The following DNAH7 variants were observed in gnomAD, a reference collection of about 807,000 sequenced individuals.
DNAH7 encodes the protein dynein axonemal heavy chain 7.
In DNAH7, 397 loss-of-function variants were observed where a neutral mutation model predicts 444.6. The observed-to-expected ratio is 0.89, with a 90% CI of 0.82 to 0.97. DNAH7 has a LOEUF of 0.97. Among genes scored for constraint, DNAH7 ranks in the 50% least tolerant of loss-of-function variants. The pLI is 0.00. For missense variants in DNAH7, 4,902 were observed against 4,800.8 expected (o/e 1.02, Z -0.62); for synonymous variants, 1,636 against 1,624.4 (o/e 1.01, Z -0.17).
intron 12 of DNAH7, chr2:195,999,314 G>T: frequency 1.5e-6 from 1 of 676,838 alleles, no homozygotes; most frequent in African/African-American, 1.8e-5. Context: ...ACACAGATTT[G>T]AGTGAATATT....
chr2:195,778,721 T>C (rs13021157), intron 58 of DNAH7, among the ~76,000 whole-genome samples: 5 of 42,754 alleles, frequency 1.2e-4, no homozygotes, highest in East Asian at 6.0e-3. Flanking sequence ...TATATACACA[T>C]ATATATATAC....
At position 195,816,868 on chromosome 2, in the gene DNAH7, G is replaced by A; in HGVS notation, c.9521C>T (p.Ser3174Phe). 6.2e-7 allele frequency: 1 copy of A among 1,614,142 alleles called. No homozygotes were observed. The highest frequency in any genetic ancestry group is 8.5e-7 in the Non-Finnish European group (1 of 1,179,990). The part of the protein sequence containing the change: ...EDETAIKILS[S>F]SKALANEISQ... ...AATCTCATTAGCCAAGGCCTTGGAG[G>A]AAGATAATATCTTAATAGCAGTTTC... The change falls in exon 51 of 65, where the codon TCC (serine) becomes TTC (phenylalanine). Residue 3174 changes from serine (S) to phenylalanine (F), a missense_variant. Ser to Phe is a radical substitution (Grantham distance 155, BLOSUM62 -2). Transcript: ENST00000312428.
chr2:195,776,243 A>G (rs933157774), intron 59 of DNAH7, among the ~76,000 whole-genome samples: 19 of 152,272 alleles, frequency 1.2e-4, no homozygotes, highest in Admixed American at 1.1e-3. Flanking sequence ...CGGGAGTTTG[A>G]GACCAGCCTG....
chr2:195,852,929 G>A (rs1226940806), intron 46 of DNAH7, among the ~76,000 whole-genome samples: 1 of 150,208 alleles, frequency 6.7e-6, no homozygotes, highest in East Asian at 1.9e-4. Context: ...GAGAGAGAGA[G>A]AGAGAGAGAG....
At chr2:196,017,221 G>A (rs1160595036) in intron 9 of DNAH7, among the ~76,000 whole-genome samples, 5 of 151,998 alleles carry the variant, frequency 3.3e-5, no homozygotes, top group African/African-American at 1.2e-4. Flanking sequence ...CACCATCTTC[G>A]GCAGGCTGGT....
chr2:196,046,241 T>C (rs982444101), intron 5 of DNAH7, among the ~76,000 whole-genome samples: 2 of 152,210 alleles, frequency 1.3e-5, no homozygotes, highest in African/African-American at 4.8e-5. Context: ...GGCAGGGCCT[T>C]GGATTTTCAT....
intron 1 of DNAH7, 116 bp downstream of exon 1, chr2:196,068,581 G>A (rs1698561983): frequency 7.2e-7 from 1 of 1,387,070 alleles, no homozygotes; most frequent in East Asian, 2.6e-5. Context: ...GAAGGAAGCT[G>A]TACACCGCGG....
chr2:195,960,809 C>G lies in DNAH7; in HGVS notation c.2342G>C (p.Arg781Thr). The G allele has an allele frequency of 6.2e-7, 1 of 1,614,100 alleles. No individual in the cohort carries two copies. The highest frequency in any genetic ancestry group is 1.7e-5 in the Admixed American group (1 of 60,016). ...ETAVEFSSNY[R>T]AWTEGPYHKV... ...ATGATATGGCCCTTCTGTCCATGCT[C>G]TATAGTTGCTGCTAAATTCGACAGC... Residue 781 changes from arginine (R) to threonine (T), a missense_variant, in exon 18 of 65, where the codon AGA (arginine) becomes ACA (threonine). Transcript: ENST00000312428.
intron 12 of DNAH7, among the ~76,000 whole-genome samples, chr2:195,989,706 T>A (rs1250723140): frequency 6.6e-6 from 1 of 152,112 alleles, no homozygotes; most frequent in East Asian, 1.9e-4. Context: ...TTCCTCATGG[T>A]TTGGTTCTGC....
chr2:195,836,229 T>A (rs1457701166), intron 47 of DNAH7, among the ~76,000 whole-genome samples: 1 of 152,168 alleles, frequency 6.6e-6, no homozygotes, highest in Non-Finnish European at 1.5e-5. Flanking sequence ...AAAGGACCTA[T>A]GTTCAGGGCC....
At chr2:195,985,860 A>G (rs1692872611) in intron 14 of DNAH7, among the ~76,000 whole-genome samples, 3 of 152,172 alleles carry the variant, frequency 2.0e-5, no homozygotes, top group African/African-American at 7.2e-5. Context: ...TGGTTCCTAG[A>G]TAAGGTACTC....
intron 58 of DNAH7, among the ~76,000 whole-genome samples, chr2:195,780,753 A>AAT (rs1040625966): frequency 2.6e-4 from 40 of 151,248 alleles, no homozygotes; most frequent in Admixed American, 1.5e-3. Flanking sequence ...TCTGTCTCAA[A>AAT]ATATATATAT....
At chr2:195,979,764 G>C (rs899206918) in intron 15 of DNAH7, among the ~76,000 whole-genome samples, 3 of 151,870 alleles carry the variant, frequency 2.0e-5, no homozygotes, top group Non-Finnish European at 2.9e-5. Flanking sequence ...AATAAAATCA[G>C]AGATGAAAAA....
intron 40 of DNAH7, 59 bp downstream of exon 40, chr2:195,872,191 G>T: frequency 7.6e-7 from 1 of 1,313,544 alleles, no homozygotes; most frequent in Non-Finnish European, 1.1e-6. Flanking sequence ...TTACCCAGTT[G>T]TTGGCATGGC....
chr2:195,894,714 C>CT (rs1702205515), intron 30 of DNAH7: 1 of 241,784 alleles, frequency 4.1e-6, no homozygotes, highest in Admixed American at 5.2e-5. Flanking sequence ...TGTTTTCAGA[C>CT]TTTTTTCTAC....
chr2:195,754,631 C>G lies in DNAH7; in HGVS notation c.11587-117G>C, dbSNP rs1440413203. The G allele has an allele frequency of 3.1e-6, 3 of 970,428 alleles. No individual in the cohort carries two copies. The East Asian group carries it at 8.0e-5, about 26-fold the overall frequency. 60.1% of individuals were successfully genotyped at this position (970,428 alleles called of 1,614,324 possible). On this transcript the variant is annotated intron_variant, in intron 62 of 64. Coordinates refer to ENST00000312428, the MANE Select transcript of DNAH7 (RefSeq NM_018897.3). The stretch of plus-strand genomic sequence containing the variant: ...GCTCAGGTGATCCTCTCACCTCAGC[C>G]TCCCAAGTAGCTGGGAATACAGGCA...
intron 19 of DNAH7, among the ~76,000 whole-genome samples, chr2:195,956,427 G>C (rs1411024895): frequency 1.3e-5 from 2 of 152,132 alleles, no homozygotes; most frequent in Non-Finnish European, 1.5e-5. Flanking sequence ...GAGGCGGGTG[G>C]ATCACTTGAG....
intron 48 of DNAH7, 110 bp downstream of exon 48, chr2:195,834,096 A>T: frequency 8.8e-7 from 1 of 1,136,062 alleles, no homozygotes; most frequent in South Asian, 2.0e-5. Context: ...AGTCTCAGCT[A>T]CTTGGTAGGC....
intron 19 of DNAH7, among the ~76,000 whole-genome samples, chr2:195,952,427 G>A (rs1174680457): frequency 6.6e-6 from 1 of 152,068 alleles, no homozygotes; most frequent in Non-Finnish European, 1.5e-5. Flanking sequence ...TTCTCGAGGA[G>A]TATCTCTGTG....
Sources: allele counts gnomAD v4.1 joint callset (sites outside exome capture counted in the v4.1 genomes callset), GRCh38; gene constraint gnomAD v4.1.1; transcripts MANE v1.5; gene names NCBI Gene and HGNC (gene_info 2026-07-23, HGNC 2026-07-21).